The following CNTNAP2 variants were observed in gnomAD, a reference collection of about 807,000 sequenced individuals.
The protein encoded by CNTNAP2 is contactin associated protein 2, also known as contactin-associated protein-like 2.
A neutral mutation model predicts 155.2 loss-of-function variants in CNTNAP2; 98 were observed. That is an observed-to-expected ratio of 0.63 (90% CI 0.54 to 0.75). CNTNAP2 has a LOEUF of 0.75. Ranked by LOEUF, CNTNAP2 falls within the 30% of genes least tolerant of loss-of-function variation. CNTNAP2 has a pLI of 0.00. For synonymous variants in CNTNAP2, 651 were observed against 631.2 expected, an observed-to-expected ratio of 1.03 and a Z score of -0.47; for missense variants, 1,727 against 1,688.1, an observed-to-expected ratio of 1.02 and a Z score of -0.40.
At chr7:147,555,656 T>G (rs1228880405) in intron 11 of CNTNAP2, among the ~76,000 whole-genome samples, 1 of 152,222 alleles carries the variant, frequency 6.6e-6, no homozygotes, top group Non-Finnish European at 1.5e-5. Context: ...AAGATAACCT[T>G]TATGTATGTG....
At chr7:148,349,354 A>T (rs972938543) in intron 21 of CNTNAP2, among the ~76,000 whole-genome samples, 1 of 151,702 alleles carries the variant, frequency 6.6e-6, no homozygotes, top group Non-Finnish European at 1.5e-5. Context: ...CACGTAAAAC[A>T]CACTAACACT....
At chr7:146,731,426 T>C (rs774921971) in intron 1 of CNTNAP2, among the ~76,000 whole-genome samples, 10 of 151,960 alleles carry the variant, frequency 6.6e-5, no homozygotes, top group Admixed American at 1.3e-4. Flanking sequence ...ATTTTTATTT[T>C]AATATTTGCT....
chr7:146,704,187 T>C (rs930040775), intron 1 of CNTNAP2, among the ~76,000 whole-genome samples: 10 of 152,246 alleles, frequency 6.6e-5, no homozygotes, highest in South Asian at 6.2e-4. Context: ...AGTTTTCAAG[T>C]ATGTCATTGC....
chr7:147,700,732 G>A (rs1364019981), intron 13 of CNTNAP2, among the ~76,000 whole-genome samples: 1 of 152,192 alleles, frequency 6.6e-6, no homozygotes, highest in Non-Finnish European at 1.5e-5. Context: ...CAAATGAAAA[G>A]CTGATATAAG....
chr7:147,445,795 C>G (rs985712867), intron 10 of CNTNAP2, among the ~76,000 whole-genome samples: 1 of 151,796 alleles, frequency 6.6e-6, no homozygotes, highest in Non-Finnish European at 1.5e-5. Flanking sequence ...CTTTCTTTCT[C>G]TTTCTTCTTT....
At chr7:147,344,764 G>A (rs12533901) in intron 9 of CNTNAP2, among the ~76,000 whole-genome samples, 24,841 of 151,980 alleles carry the variant, frequency 0.16, 2,338 homozygotes, top group East Asian at 0.35. Context: ...TGTTATTACT[G>A]TTAATATTTT....
At chr7:146,992,433 A>G (rs1300105088) in intron 3 of CNTNAP2, among the ~76,000 whole-genome samples, 1 of 152,148 alleles carries the variant, frequency 6.6e-6, no homozygotes, top group Non-Finnish European at 1.5e-5. Flanking sequence ...AGACACTTTG[A>G]AGGGTGAGAA....
chr7:146,421,224 A>G (rs974475177), intron 1 of CNTNAP2, among the ~76,000 whole-genome samples: 1 of 152,026 alleles, frequency 6.6e-6, no homozygotes, highest in Admixed American at 6.6e-5. Flanking sequence ...TTCTCTCTTA[A>G]CAAGTATGTA....
intron 9 of CNTNAP2, among the ~76,000 whole-genome samples, chr7:147,372,495 T>C (rs1174976909): frequency 6.6e-6 from 1 of 152,118 alleles, no homozygotes; most frequent in Admixed American, 6.6e-5. Flanking sequence ...CTGAACTCTA[T>C]CCCAGGAACT....
In CNTNAP2 at chr7:147,601,849, AT is replaced by A. The variant is rs536103512; in HGVS notation, c.1898-37255del. Among the ~76,000 whole-genome samples, 5 of 151,754 alleles carry A rather than the reference AT, an allele frequency of 3.3e-5. No homozygotes were observed. In the East Asian group the frequency reaches 9.7e-4, roughly 29 times the overall value. The stretch of plus-strand genomic sequence containing the variant: ...ACTTCTTAAGTCTCTTAATTTTTAG[AT>A]TCAATCTTTTTCTGTCTCTCTTTCT... On this transcript the variant is annotated intron_variant, in intron 12 of 23. Coordinates refer to ENST00000361727, the MANE Select transcript of CNTNAP2 (RefSeq NM_014141.6).
At chr7:147,144,250 G>GA (rs1473974082) in intron 8 of CNTNAP2, among the ~76,000 whole-genome samples, 1 of 152,158 alleles carries the variant, frequency 6.6e-6, no homozygotes, top group Non-Finnish European at 1.5e-5. Context: ...AAACCAAACA[G>GA]AAAAACATAA....
At chr7:147,709,803 T>G (rs868161917) in intron 13 of CNTNAP2, among the ~76,000 whole-genome samples, 1 of 152,202 alleles carries the variant, frequency 6.6e-6, no homozygotes, top group African/African-American at 2.4e-5. Flanking sequence ...AGCACATAAG[T>G]AATCTTTCTT....
intron 1 of CNTNAP2, among the ~76,000 whole-genome samples, chr7:146,737,113 T>C (rs1365409439): frequency 6.6e-6 from 1 of 152,148 alleles, no homozygotes; most frequent in Non-Finnish European, 1.5e-5. Flanking sequence ...AGAATGTTAT[T>C]TTTTTCAGTT....
At chr7:148,310,881 G>A (rs1438125333) in intron 21 of CNTNAP2, among the ~76,000 whole-genome samples, 1 of 152,150 alleles carries the variant, frequency 6.6e-6, no homozygotes, top group African/African-American at 2.4e-5. Flanking sequence ...TTTACATGGT[G>A]TGTGAGAAAA....
chr7:146,826,210 C>G (rs1020568995), intron 2 of CNTNAP2, among the ~76,000 whole-genome samples: 1 of 151,940 alleles, frequency 6.6e-6, no homozygotes, highest in African/African-American at 2.4e-5. Context: ...GTAAATGTAC[C>G]TCTGACCCTT....
intron 21 of CNTNAP2, chr7:148,381,532 T>C (rs1637849): frequency 0.7 from 106,734 of 152,084 alleles, 39,035 homozygotes; most frequent in Admixed American, 0.8. Flanking sequence ...GAAGTGAAGC[T>C]GCTTCTCTCC....
chr7:146,137,888 A>G (rs1468147174), intron 1 of CNTNAP2, among the ~76,000 whole-genome samples: 1 of 151,914 alleles, frequency 6.6e-6, no homozygotes, highest in Admixed American at 6.6e-5. Context: ...TATATACTTA[A>G]TATTTAATTC....
chr7:147,823,788 A>T (rs1798400592), intron 13 of CNTNAP2, among the ~76,000 whole-genome samples: 1 of 152,142 alleles, frequency 6.6e-6, no homozygotes, highest in Non-Finnish European at 1.5e-5. Flanking sequence ...CAAAGAAAAT[A>T]CTGGCATAGC....
At chr7:146,148,889 C>T (rs1325576429) in intron 1 of CNTNAP2, among the ~76,000 whole-genome samples, 1 of 152,106 alleles carries the variant, frequency 6.6e-6, no homozygotes, top group Non-Finnish European at 1.5e-5. Context: ...AAATAATCTT[C>T]ACCCTCTCTG....
Sources: gnomAD v4.1 joint callset for allele counts (sites outside exome capture counted in the v4.1 genomes callset) on GRCh38, gnomAD v4.1.1 for gene constraint, MANE v1.5 for transcripts, NCBI Gene and HGNC (gene_info 2026-07-23, HGNC 2026-07-21) for gene names.